CNTN6: variants seen among roughly 807,000 people sequenced by gnomAD.
CNTN6 encodes the protein contactin-6.
Under a neutral mutation model 122.8 loss-of-function variants are expected in CNTN6, and 137 were observed. That is an observed-to-expected ratio of 1.12 (90% CI 0.97 to 1.29). The LOEUF is 1.29. Ranked by LOEUF, CNTN6 falls within the 50% of genes most tolerant of loss-of-function variation. The pLI, the probability that CNTN6 is intolerant of heterozygous loss-of-function variation, is 0.00. For synonymous variants in CNTN6, 570 were observed against 426.0 expected (o/e 1.34, Z -4.16); for missense variants, 1,634 against 1,223.4 (o/e 1.34, Z -5.01).
At chr3:1,362,292 A>T (rs1000975264) in intron 12 of CNTN6, among the ~76,000 whole-genome samples, 1 of 152,156 alleles carries the variant, frequency 6.6e-6, no homozygotes, top group Non-Finnish European at 1.5e-5. Context: ...TACTAGGAAT[A>T]ACTGGAGCTA....
intron 4 of CNTN6, among the ~76,000 whole-genome samples, chr3:1,268,411 T>G (rs546576393): frequency 3.4e-4 from 52 of 152,158 alleles, no homozygotes; most frequent in African/African-American, 1.2e-3. Context: ...ATCGAGACCA[T>G]CCTGGTTAAT....
chr3:1,186,074 T>C (rs1048449672), intron 2 of CNTN6, among the ~76,000 whole-genome samples: 14 of 152,158 alleles, frequency 9.2e-5, no homozygotes, highest in Admixed American at 5.9e-4. Context: ...TTGTTTAATA[T>C]AGAATATAAT....
At chr3:1,344,354 C>T (rs896072837) in intron 11 of CNTN6, among the ~76,000 whole-genome samples, 2 of 152,048 alleles carry the variant, frequency 1.3e-5, no homozygotes, top group African/African-American at 4.8e-5. Flanking sequence ...TCCAGACAGG[C>T]TGTATAGAGA....
At chr3:1,388,266 G>A (rs1298596848) in intron 20 of CNTN6, among the ~76,000 whole-genome samples, 13 of 149,084 alleles carry the variant, frequency 8.7e-5, no homozygotes, top group African/African-American at 3.2e-4. Context: ...TGACCCCCGA[G>A]CAGCCTAACT....
chr3:1,387,922 A>G (rs112267614), intron 20 of CNTN6, among the ~76,000 whole-genome samples: 33,559 of 151,914 alleles, frequency 0.22, 3,845 homozygotes, highest in African/African-American at 0.25. Context: ...CGCCCACGGA[A>G]TCTCGCTGAT....
chr3:1,375,954 A>C (rs564991762), intron 16 of CNTN6, among the ~76,000 whole-genome samples: 2 of 152,162 alleles, frequency 1.3e-5, no homozygotes, highest in African/African-American at 4.8e-5. Context: ...GGTGGGGAAA[A>C]ATTTGAAATG....
chr3:1,315,470 C>G (rs1361694315), intron 7 of CNTN6, among the ~76,000 whole-genome samples: 1 of 151,878 alleles, frequency 6.6e-6, no homozygotes, highest in Non-Finnish European at 1.5e-5. Flanking sequence ...GTTGAAATTA[C>G]CCATCTAAAG....
rs566215543 is a variant in CNTN6 at position 1,328,853 on chromosome 3, G to A, written c.1214-932G>A. ...ACATTCATGAAGTTGGAAAGATTCA[G>A]AGGCACCCTGATAGCCTAATAATTT... On this transcript the variant is annotated intron_variant, in intron 10 of 22. Coordinates refer to ENST00000446702, the MANE Select transcript of CNTN6 (RefSeq NM_001289080.2). Among the ~76,000 whole-genome samples the A allele has an allele frequency of 2.0e-5, 3 of 151,852 alleles. No individual in the cohort carries two copies. In the East Asian group the frequency reaches 5.9e-4, roughly 30 times the overall value.
intron 1 of CNTN6, among the ~76,000 whole-genome samples, chr3:1,130,555 A>G (rs2092309862): frequency 6.6e-6 from 1 of 152,158 alleles, no homozygotes; most frequent in African/African-American, 2.4e-5. Flanking sequence ...TGGTCCCCAG[A>G]GGAACTGAGA....
At position 1,403,309 on chromosome 3, in the gene CNTN6, AT is replaced by A. The variant is rs759628043; in HGVS notation, c.2987-5del. ...CAAAATATTTTTGTCTTATTTTTAT[AT>A]TTTGCAGGTTTGAGTTCCAGAGGAA... is the stretch of plus-strand genomic sequence containing the variant. On this transcript the variant is annotated splice_polypyrimidine_tract_variant and splice_region_variant and intron_variant, in intron 22 of 22. Coordinates refer to ENST00000446702, the MANE Select transcript of CNTN6 (RefSeq NM_001289080.2). The A allele has an allele frequency of 7.6e-6, 12 of 1,576,098 alleles. No homozygotes were observed. The Admixed American group carries it at 2.1e-4, about 27-fold the overall frequency.
chr3:1,327,434 T>G, intron 9 of CNTN6, 23 bp from the exon 10 acceptor site: 1 of 1,606,592 alleles, frequency 6.2e-7, no homozygotes, highest in Non-Finnish European at 8.5e-7. Flanking sequence ...ACAAGCATCT[T>G]TATATGCCTT....
rs776905020 is a variant in CNTN6 at position 1,373,609 on chromosome 3, C to A, written c.1792C>A (p.Pro598Thr). Residue 598 changes from proline (P) to threonine (T), a missense_variant, in exon 15 of 23, where the codon CCA becomes ACA. Pro to Thr is a conservative substitution (Grantham distance 38, BLOSUM62 -1). Transcript: ENST00000446702. ...AVADIIVRGP[P>T]GPPEDVQVED... Reference sequence around the variant, plus strand: ...GATAAAACATTTTTTTCAAGGTCCACCAGGTCCTCCTGAGGATGTGCAAGT... The same window carrying A: ...GATAAAACATTTTTTTCAAGGTCCAACAGGTCCTCCTGAGGATGTGCAAGT... 1 of 1,610,086 alleles carries A rather than the reference C, an allele frequency of 6.2e-7. No homozygotes were observed. Among genetic ancestry groups the A allele is most frequent in the Non-Finnish European group, 8.5e-7 (1 of 1,178,290 alleles).
chr3:1,215,239 G>A (rs376609972), intron 2 of CNTN6, among the ~76,000 whole-genome samples: 56 of 152,300 alleles, frequency 3.7e-4, no homozygotes, highest in African/African-American at 1.3e-3. Flanking sequence ...TATTTACTGA[G>A]ACATGTGTTT....
intron 12 of CNTN6, among the ~76,000 whole-genome samples, chr3:1,360,751 C>T (rs1707340407): frequency 6.6e-6 from 1 of 151,920 alleles, no homozygotes; most frequent in African/African-American, 2.4e-5. Context: ...TCTCTTCAAT[C>T]CCCAAATTCA....
chr3:1,357,266 A>G (rs1415600822), intron 12 of CNTN6, among the ~76,000 whole-genome samples: 1 of 151,914 alleles, frequency 6.6e-6, no homozygotes, highest in Non-Finnish European at 1.5e-5. Flanking sequence ...GAAGGAGACC[A>G]GACACAGAAG....
At chr3:1,373,082 T>C (rs141259157) in intron 14 of CNTN6, 127 bp downstream of exon 14, 137 of 610,792 alleles carry the variant, frequency 2.2e-4, no homozygotes, top group African/African-American at 2.2e-3. Context: ...TAGAGTTTTA[T>C]TTTTTAAACC....
chr3:1,371,676 A>G (rs1459916570), intron 12 of CNTN6, among the ~76,000 whole-genome samples: 1 of 152,148 alleles, frequency 6.6e-6, no homozygotes, highest in African/African-American at 2.4e-5. Context: ...CATAGAGAAC[A>G]TTTCTAGAGG....
intron 2 of CNTN6, among the ~76,000 whole-genome samples, chr3:1,159,326 C>T (rs555063981): frequency 2.0e-5 from 3 of 151,720 alleles, no homozygotes; most frequent in East Asian, 2.0e-4. Flanking sequence ...GCATACACAG[C>T]GGGGGTGCAC....
chr3:1,268,771 A>G (rs1249893716), intron 4 of CNTN6, among the ~76,000 whole-genome samples: 3 of 152,058 alleles, frequency 2.0e-5, no homozygotes, highest in East Asian at 1.9e-4. Context: ...TCAAGAAAAT[A>G]TGTCTCGTTA....
Sources: gnomAD v4.1 joint callset for allele counts (sites outside exome capture counted in the v4.1 genomes callset) on GRCh38, gnomAD v4.1.1 for gene constraint, MANE v1.5 for transcripts, NCBI Gene and HGNC (gene_info 2026-07-23, HGNC 2026-07-21) for gene names.